HIRIP3: variants seen among roughly 807,000 people sequenced by gnomAD.
The protein encoded by HIRIP3 is HIRA interacting protein 3, also known as HIRA-interacting protein 3.
Under a neutral mutation model 50.3 loss-of-function variants are expected in HIRIP3, and 40 were observed. That is an observed-to-expected ratio of 0.79 (90% CI 0.62 to 1.03). HIRIP3 has a LOEUF of 1.03. Ranked by LOEUF, HIRIP3 falls within the 50% of genes least tolerant of loss-of-function variation. HIRIP3 has a pLI of 0.00. For synonymous variants in HIRIP3, 318 were observed against 261.6 expected, an observed-to-expected ratio of 1.22 and a Z score of -2.08; for missense variants, 765 against 705.4, an observed-to-expected ratio of 1.08 and a Z score of -0.96.
rs1421384289 is a variant in HIRIP3, at chr16:29,994,680, C to T, written c.465G>A (p.Arg155=). 6.2e-6 allele frequency: 10 copies of T among 1,614,052 alleles called. No homozygotes were observed. Among genetic ancestry groups the T allele is most frequent in the African/African-American group, 5.3e-5 (4 of 74,916 alleles). The change falls in exon 4 of 7, where the codon AGG becomes AGA. Residue 155 remains arginine (R), a synonymous_variant. Transcript: ENST00000279392. ...CCTCCTCCTCACTGCTCTCCTCTCC[C>T]CTCTGTGCGGGCAGGTCCCTCTGCC... ...EERQRDLPAQ[R]GEESSEEEEK...
chr16:29,995,705 T>TG, upstream of HIRIP3: 1 of 1,458,832 alleles, frequency 6.9e-7, no homozygotes, highest in East Asian at 2.5e-5. Context: ...TGCGGCAACG[T>TG]GGGGCGAGGG....
rs754796361 is a variant in HIRIP3, at chr16:29,993,964, C to A, written c.1181G>T (p.Gly394Val). The change falls in exon 4 of 7, where the codon GGC becomes GTC. Residue 394 changes from glycine (G) to valine (V), a missense_variant. Physicochemically the swap from Gly to Val is moderately radical, Grantham distance 109. Transcript: ENST00000279392. ...GGAGGAAGAGGAGCTTCGTGTCCTG[C>A]CTTTCCTGGAGCTCTTCTTGGAAGA... ...NRSSKKSSRK[G>V]RTRSSSSSSD... 1 of 1,561,832 alleles carries A rather than the reference C, an allele frequency of 6.4e-7. No individual in the cohort carries two copies. The highest frequency in any genetic ancestry group is 8.7e-7 in the Non-Finnish European group (1 of 1,154,774).
Position 29,994,807 on chromosome 16 carries a change from C to T in HIRIP3, c.338G>A (p.Gly113Glu), listed in dbSNP as rs1385174522. ...TGCCACCCCATTCTTTGCTGGGGGT[C>T]CAAAGTAGTCTGGGCTGGAGGCTTC... The part of the protein sequence containing the change: ...GSEASSPDYF[G>E]PPAKNGVAAE... Residue 113 changes from glycine (G) to glutamate (E), a missense_variant, in exon 4 of 7, where the codon GGA becomes GAA. By Grantham distance (98) the Gly-to-Glu change is moderately conservative. Transcript: ENST00000279392. 1 of 1,613,464 alleles carries T rather than the reference C, an allele frequency of 6.2e-7. No homozygotes were observed.
At chr16:29,995,674 C>A (rs2070081268), upstream of HIRIP3, 1 of 1,573,724 alleles carries the variant, frequency 6.4e-7, no homozygotes, top group Non-Finnish European at 8.6e-7. Flanking sequence ...CGTTTGACAG[C>A]GGCTCGCGCA....
At chr16:29,995,024 A>T in intron 3 of HIRIP3, 79 bp downstream of exon 3, 1 of 1,509,328 alleles carries the variant, frequency 6.6e-7, no homozygotes, top group Non-Finnish European at 9.2e-7. Flanking sequence ...ACGCCTGGGG[A>T]CATAAGAGAT....
chr16:29,994,919 C>T (rs2070054039), intron 3 of HIRIP3, 76 bp from the exon 4 acceptor site: 2 of 1,520,750 alleles, frequency 1.3e-6, no homozygotes, highest in African/African-American at 1.4e-5. Flanking sequence ...TAGGTTGCCT[C>T]GAGCCCTGCC....
rs78703232 is a variant in HIRIP3, at chr16:29,993,669, C to T, written c.1379G>A (p.Arg460Gln). Residue 460 changes from arginine (R) to glutamine (Q), a missense_variant, in exon 5 of 7, where the codon CGG (arginine) becomes CAG (glutamine). Physicochemically the swap from Arg to Gln is conservative, Grantham distance 43 (BLOSUM62 1). Coordinates refer to ENST00000279392, the MANE Select transcript of HIRIP3 (RefSeq NM_003609.5). ...CATGCCTAGCGCTTCCAGTTCTGCC[C>T]GGAGGATACTCAGGCGCTCCTTGTG... is the stretch of plus-strand genomic sequence containing the variant. ...CSHKERLSIL[R>Q]AELEALGMKG... 8.2e-4 allele frequency: 1,322 copies of T among 1,611,632 alleles called. 10 individuals carry two copies. The African/African-American group carries it at 0.015, about 19-fold the overall frequency.
rs555368408 is a variant in HIRIP3, at chr16:29,994,140, G to A, written c.1005C>T (p.Asp335=). 5.3e-5 allele frequency: 86 copies of A among 1,613,938 alleles called. No homozygotes were observed. The South Asian group carries it at 7.6e-4, about 14-fold the overall frequency. Residue 335 remains aspartate (D), a synonymous_variant, in exon 4 of 7, where the codon GAC becomes GAT. Coordinates refer to ENST00000279392, the MANE Select transcript of HIRIP3 (RefSeq NM_003609.5). Reference sequence around the variant, plus strand: ...GTTCCCCCTTCCCACTGTCTTCCTCGTCCTCGCTGCTTCCACTCAACCTCT... The same window carrying A: ...GTTCCCCCTTCCCACTGTCTTCCTCATCCTCGCTGCTTCCACTCAACCTCT... The part of the protein sequence containing the change: ...GGKRLSGSSE[D]EEDSGKGEPT...
At chr16:29,995,034 T>C (rs2070056429) in intron 3 of HIRIP3, 69 bp downstream of exon 3, 3 of 1,527,588 alleles carry the variant, frequency 2.0e-6, no homozygotes, top group Admixed American at 3.4e-5. Context: ...ACATAAGAGA[T>C]GCGCAGTGAA....
chr16:29,992,941 TG>T lies in HIRIP3; in HGVS notation c.*265del, dbSNP rs2070003393. On this transcript the variant is annotated 3_prime_UTR_variant, in exon 7 of 7. Transcript: ENST00000279392. The stretch of plus-strand genomic sequence containing the variant: ...GGGAGGAGGTGGAGGCAGTGACTAC[TG>T]CTCAGTTTCCTGGCCCAAAATACAG... 3.0e-6 allele frequency: 1 copy of T among 328,404 alleles called. No individual in the cohort carries two copies. The allele number at this position is 328,404 out of a possible 1,614,324, so 20.3% of individuals were successfully genotyped here.
upstream of HIRIP3, chr16:29,995,760 C>T (rs2070085214): frequency 7.0e-6 from 6 of 853,238 alleles, no homozygotes; most frequent in Admixed American, 1.0e-4. Flanking sequence ...AGAACTTTGC[C>T]AGACGAGACT....
chr16:29,994,079 C>T lies in HIRIP3; in HGVS notation c.1066G>A (p.Gly356Ser). 1 of 1,613,466 alleles carries T rather than the reference C, an allele frequency of 6.2e-7. No homozygotes were observed. The highest frequency in any genetic ancestry group is 8.5e-7 in the Non-Finnish European group (1 of 1,179,666). The change falls in exon 4 of 7, where the codon GGC (glycine) becomes AGC (serine). Residue 356 changes from glycine to serine, a missense_variant. Gly to Ser is a moderately conservative substitution (Grantham distance 56, BLOSUM62 0). Coordinates refer to ENST00000279392, the MANE Select transcript of HIRIP3 (RefSeq NM_003609.5). ...TCACTTTCCTCACCACTGGTGCTGC[C>T]CAGTCTGGCCATCTTTCTAGAGCCT... ...AKGSRKMARL[G>S]STSGEESDLE...
In HIRIP3 at chr16:29,994,713, ATCACTGCTCTCC is replaced by A. The variant is rs765088333; in HGVS notation, c.420_431del (p.Glu140_Ser143del). The A allele has an allele frequency of 1.9e-5, 31 of 1,613,780 alleles. 1 individual carries two copies. Among genetic ancestry groups the A allele is most frequent in the Non-Finnish European group, 2.4e-5 (28 of 1,179,992 alleles). Reference sequence around the variant, plus strand: ...CGGGCAGGTCCCTCTGCCGTTCCTCATCACTGCTCTCCTCAACTGCCTTTGAGGCTCGCCTTG... The same window carrying A: ...CGGGCAGGTCCCTCTGCCGTTCCTCATCAACTGCCTTTGAGGCTCGCCTTG... On this transcript the variant is annotated inframe_deletion, in exon 4 of 7. Transcript: ENST00000279392.
intron 6 of HIRIP3, 42 bp downstream of exon 6, chr16:29,993,417 C>A: frequency 6.3e-7 from 1 of 1,589,802 alleles, no homozygotes; most frequent in Non-Finnish European, 8.6e-7. Flanking sequence ...GAAGGTCCAA[C>A]CCCACCTATC....
At position 29,993,452 on chromosome 16, in the gene HIRIP3, C is replaced by G. The variant is rs1256470912; in HGVS notation, c.1507+7G>C. ...CTGCTCCTGGGCAGTGAGAGGAAAC[C>G]CCTTACCCGAGCCACTGATGATGTT... On this transcript the variant is annotated splice_region_variant and intron_variant, in intron 6 of 6. Transcript: ENST00000279392. 6.2e-7 allele frequency: 1 copy of G among 1,610,744 alleles called. No individual in the cohort carries two copies. Among genetic ancestry groups the G allele is most frequent in the Non-Finnish European group, 8.5e-7 (1 of 1,177,798 alleles).
chr16:29,994,268 C>G lies in HIRIP3; in HGVS notation c.877G>C (p.Glu293Gln). The change falls in exon 4 of 7, where the codon GAA becomes CAA. Residue 293 changes from glutamate (E) to glutamine (Q), a missense_variant. Glu to Gln is a conservative substitution (Grantham distance 29). Coordinates refer to ENST00000279392, the MANE Select transcript of HIRIP3 (RefSeq NM_003609.5). ...CTGCTGGCTGCCTCTTTCTGCTCTT[C>G]CTCGCTGTCTGAGTCTCCCAAGAGC... ...KRLLGDSDSEEEQKEAASSGD... is the reference protein window; with the variant it reads ...KRLLGDSDSEQEQKEAASSGD... The G allele has an allele frequency of 6.2e-7, 1 of 1,614,222 alleles. No individual in the cohort carries two copies. The highest frequency in any genetic ancestry group is 8.5e-7 in the Non-Finnish European group (1 of 1,180,036).
chr16:29,994,749 T>C lies in HIRIP3; in HGVS notation c.396A>G (p.Pro132=), dbSNP rs1477986908. 3 of 1,614,222 alleles carry C rather than the reference T, an allele frequency of 1.9e-6. No individual in the cohort carries two copies. Among genetic ancestry groups the C allele is most frequent in the Admixed American group, 1.7e-5 (1 of 60,032 alleles). Residue 132 remains proline, a synonymous_variant, in exon 4 of 7, where the codon CCA becomes CCG. Transcript: ENST00000279392. The part of the protein sequence containing the change: ...AEVSPAKEEN[P]RRASKAVEES... ...CCTCAACTGCCTTTGAGGCTCGCCTTGGATTCTCCTCTTTGGCTGGGCTGA... is the reference window on the plus strand; with the variant it reads ...CCTCAACTGCCTTTGAGGCTCGCCTCGGATTCTCCTCTTTGGCTGGGCTGA...
At chr16:29,995,942 A>G (rs60185882), upstream of HIRIP3, 1,266 of 564,732 alleles carry the variant, frequency 2.2e-3, 12 homozygotes, top group African/African-American at 0.021. Context: ...GGCTGCTGTT[A>G]TTTCGCAAGG....
chr16:29,993,224 C>T lies in HIRIP3; in HGVS notation c.1654G>A (p.Asp552Asn), dbSNP rs1436131667. ...WSHMRGIISS[D>N]GESN The stretch of plus-strand genomic sequence containing the variant: ...GGCAGAGCTCAGTTACTCTCGCCAT[C>T]ACTGCTGATGATGCCACGCATATGT... Residue 552 changes from aspartate (D) to asparagine (N), a missense_variant, in exon 7 of 7, where the codon GAT becomes AAT. Transcript: ENST00000279392. 2 of 1,592,640 alleles carry T rather than the reference C, an allele frequency of 1.3e-6. No individual in the cohort carries two copies. Among genetic ancestry groups the T allele is most frequent in the African/African-American group, 2.7e-5 (2 of 74,124 alleles).
Sources: allele counts gnomAD v4.1 joint callset, GRCh38; gene constraint gnomAD v4.1.1; transcripts MANE v1.5; gene names NCBI Gene and HGNC (gene_info 2026-07-23, HGNC 2026-07-21).